The following CLCN4 variants were observed in gnomAD, a reference collection of about 807,000 sequenced individuals.
CLCN4 encodes H(+)/Cl(-) exchange transporter 4.
CLCN4 carries 1 observed loss-of-function variant against 41.7 expected under a neutral mutation model. The ratio of observed to expected loss-of-function variants is 0.02; its 90% CI spans 0.01 to 0.11. The LOEUF is 0.11. Among genes scored for constraint, CLCN4 ranks in the 10% least tolerant of loss-of-function variants. The probability of loss-of-function intolerance (pLI) is 1.00; values close to 1 mark genes in which losing one functional copy is unlikely to be tolerated. For synonymous variants in CLCN4, 277 were observed against 285.8 expected (o/e 0.97, Z 0.31); for missense variants, 287 against 661.0 (o/e 0.43, Z 6.20).
chrX:10,177,101 A>C (rs2147163543), intron 2 of CLCN4, among the ~76,000 whole-genome samples: 1 of 112,834 alleles, frequency 8.9e-6, no homozygotes, highest in South Asian at 3.6e-4. Context: ...TGGTTTTTGC[A>C]TTTTTATATG....
intron 4 of CLCN4, among the ~76,000 whole-genome samples, chrX:10,189,603 T>C (rs2147169610): frequency 8.9e-6 from 1 of 111,867 alleles, no homozygotes; most frequent in East Asian, 2.8e-4. Flanking sequence ...TCTTTTGATT[T>C]GGATGCACTT....
rs766614915 is a variant in CLCN4 at position 10,187,498 on chromosome X, TA to T, written c.145-16del. 8.7e-7 allele frequency: 1 copy of T among 1,150,539 alleles called. No homozygotes were observed. Among genetic ancestry groups the T allele is most frequent in the Admixed American group, 2.2e-5 (1 of 45,627 alleles). The allele number at this position is 1,150,539 out of a possible 1,213,427, so 94.8% of individuals were successfully genotyped here. A position where few individuals can be genotyped will look rare whatever the true frequency, so the allele number is the denominator to read the frequency against. Reference sequence around the variant, plus strand: ...GAAAATGCATTCGGATCAGTTGCTGTATCTGCTTTGTTCTAGATCACCAGCA... The same window carrying T: ...GAAAATGCATTCGGATCAGTTGCTGTTCTGCTTTGTTCTAGATCACCAGCA... On this transcript the variant is annotated splice_polypyrimidine_tract_variant and intron_variant, in intron 3 of 12. Coordinates refer to ENST00000380833, the MANE Select transcript of CLCN4 (RefSeq NM_001830.4).
chrX:10,198,325 CTTCAAGAT>C (rs762502027), intron 6 of CLCN4, among the ~76,000 whole-genome samples: 4 of 112,349 alleles, frequency 3.6e-5, no homozygotes, highest in Non-Finnish European at 5.6e-5. Flanking sequence ...TACACACTGT[CTTCAAGAT>C]TTCTGTGCTA....
chrX:10,160,424 G>A (rs1397239388), intron 2 of CLCN4, among the ~76,000 whole-genome samples: 3 of 111,304 alleles, frequency 2.7e-5, no homozygotes, highest in African/African-American at 9.8e-5. Context: ...AGAAAGGAGA[G>A]TGTTAGGGAA....
intron 4 of CLCN4, among the ~76,000 whole-genome samples, chrX:10,192,550 G>T (rs1051239109): frequency 9.0e-6 from 1 of 111,445 alleles, no homozygotes; most frequent in Non-Finnish European, 1.9e-5. Flanking sequence ...AGTTAGTGAG[G>T]GAAAGAGATG....
chrX:10,185,788 T>A (rs1053180527), intron 3 of CLCN4, among the ~76,000 whole-genome samples: 4 of 111,525 alleles, frequency 3.6e-5, no homozygotes, highest in African/African-American at 1.3e-4. Context: ...GGTGGAGGAT[T>A]CCTGCAGAGG....
chrX:10,199,957 C>A (rs981099661), intron 6 of CLCN4, among the ~76,000 whole-genome samples: 1 of 111,035 alleles, frequency 9.0e-6, no homozygotes, highest in Non-Finnish European at 1.9e-5. Context: ...TAAGTAGAGA[C>A]GGGGTTTCAC....
At chrX:10,189,185 A>AT (rs1321522706) in intron 4 of CLCN4, among the ~76,000 whole-genome samples, 1 of 111,667 alleles carries the variant, frequency 9.0e-6, no homozygotes, top group Non-Finnish European at 1.9e-5. Flanking sequence ...ATAGTGTGTC[A>AT]TTTTTCTTGG....
chrX:10,204,613 C>CTTTTTTTTTTTTTTT lies in CLCN4; in HGVS notation c.556-1723_556-1709dup, dbSNP rs61453535. On this transcript the variant is annotated intron_variant, in intron 6 of 12. Transcript: ENST00000380833. ...CTATTCTCACCAGAAAGCTAGTAGTCTTTTTTTTTTTTTTTTTTTTTTTTT... is the reference window on the plus strand; with the variant it reads ...CTATTCTCACCAGAAAGCTAGTAGTCTTTTTTTTTTTTTTTTTTTTTTTTTTTTTTTTTTTTTTTT... Among the ~76,000 whole-genome samples, 16 of 27,349 alleles carry CTTTTTTTTTTTTTTT rather than the reference C, an allele frequency of 5.9e-4. 3 individuals are homozygous for CTTTTTTTTTTTTTTT. Among genetic ancestry groups the CTTTTTTTTTTTTTTT allele is most frequent in the Non-Finnish European group, 9.2e-4 (10 of 10,921 alleles). The allele number at this position is 27,349 out of a possible 115,157, so 23.7% of individuals were successfully genotyped here.
In CLCN4 at chrX:10,229,386, A is replaced by AAT. The variant is rs778644562; in HGVS notation, c.2193-4091_2193-4090dup. 6.1e-3 allele frequency among the ~76,000 whole-genome samples: 629 copies of AAT among 102,619 alleles called. 4 individuals carry two copies. Among genetic ancestry groups the AAT allele is most frequent in the African/African-American group, 0.02 (505 of 25,720 alleles). 89.1% of individuals were successfully genotyped at this position (102,619 alleles called of 115,157 possible). On this transcript the variant is annotated intron_variant, in intron 12 of 12. Transcript: ENST00000380833. ...TTTATGGAACACATGAGATTTTTAA[A>AAT]ATATATATATATATATATTTTATTA...
At chrX:10,161,675 T>G (rs758259681) in intron 2 of CLCN4, among the ~76,000 whole-genome samples, 4 of 111,245 alleles carry the variant, frequency 3.6e-5, no homozygotes, top group Middle Eastern at 4.6e-3. Flanking sequence ...CTCGGACAGA[T>G]GCAGTGATCC....
Position 10,216,034 on chromosome X carries a change from A to G in CLCN4, c.1975+1955A>G, listed in dbSNP as rs1398834087. On this transcript the variant is annotated intron_variant, in intron 11 of 12. Transcript: ENST00000380833. ...TACTCTGGTGGAGAAATACAGGTGC[A>G]TGACCTGTATTTGAGGAATCTTGTG... Among the ~76,000 whole-genome samples the G allele has an allele frequency of 2.7e-5, 3 of 111,831 alleles. No homozygotes were observed. In the Admixed American group the frequency reaches 2.8e-4, roughly 11 times the overall value.
At chrX:10,233,358 C>A in intron 12 of CLCN4, 136 bp from the exon 13 acceptor site, 1 of 472,419 alleles carries the variant, frequency 2.1e-6, no homozygotes, top group Non-Finnish European at 3.8e-6. Context: ...CCTCCATTGG[C>A]TCTGCCTAAC....
chrX:10,224,770 A>T (rs1450800458), intron 12 of CLCN4, among the ~76,000 whole-genome samples: 1 of 111,094 alleles, frequency 9.0e-6, no homozygotes, highest in African/African-American at 3.3e-5. Flanking sequence ...AGGCCCCAGT[A>T]TGTGCTGTTC....
intron 12 of CLCN4, among the ~76,000 whole-genome samples, chrX:10,225,560 A>T (rs1210391166): frequency 1.8e-5 from 2 of 111,821 alleles, no homozygotes; most frequent in Admixed American, 1.9e-4. Flanking sequence ...CACTCTGATG[A>T]TAGTTTCTTT....
intron 12 of CLCN4, 114 bp from the exon 13 acceptor site, chrX:10,233,380 C>G (rs1157248842): frequency 1.9e-6 from 1 of 533,613 alleles, no homozygotes; most frequent in East Asian, 3.5e-5. Flanking sequence ...ACAAGGGAGG[C>G]TGGGAAATGT....
intron 4 of CLCN4, among the ~76,000 whole-genome samples, chrX:10,193,268 C>T (rs896298941): frequency 8.9e-6 from 1 of 112,047 alleles, no homozygotes; most frequent in African/African-American, 3.2e-5. Flanking sequence ...CGGAAGCTGA[C>T]GGCTGGGCTA....
rs752787312 is a variant in CLCN4, at chrX:10,197,926, G to A, written c.433-13G>A. The A allele has an allele frequency of 1.1e-5, 13 of 1,209,931 alleles. No homozygotes were observed. In the Admixed American group the frequency reaches 2.6e-4, roughly 24 times the overall value. On this transcript the variant is annotated splice_polypyrimidine_tract_variant and intron_variant, in intron 5 of 12. Transcript: ENST00000380833. ...GCTAATGTTTCCTTTTGTGTTTTGT[G>A]TCTGTTGTCTAGGGTGCCAGTGCTT... is the stretch of plus-strand genomic sequence containing the variant.
intron 12 of CLCN4, among the ~76,000 whole-genome samples, chrX:10,227,364 A>G (rs1178386577): frequency 1.8e-5 from 2 of 111,554 alleles, no homozygotes; most frequent in African/African-American, 6.5e-5. Flanking sequence ...CTTCATGTTA[A>G]AAACTCTCAA....
Sources: gnomAD v4.1 joint callset for allele counts (sites outside exome capture counted in the v4.1 genomes callset) on GRCh38, gnomAD v4.1.1 for gene constraint, MANE v1.5 for transcripts, NCBI Gene and HGNC (gene_info 2026-07-23, HGNC 2026-07-21) for gene names.